Variants in FGGY observed in about 807,000 individuals in gnomAD.
FGGY encodes FGGY carbohydrate kinase domain containing.
In FGGY, 72 loss-of-function variants were observed where a neutral mutation model predicts 71.3. The observed-to-expected ratio is 1.01, with a 90% confidence interval of 0.84 to 1.23. The LOEUF (loss-of-function observed/expected upper bound fraction) is 1.23. Ranked by LOEUF, FGGY falls within the 50% of genes most tolerant of loss-of-function variation. The probability of loss-of-function intolerance (pLI) is 0.00; values close to 1 mark genes in which losing one functional copy is unlikely to be tolerated. For missense variants in FGGY, 668 were observed against 682.3 expected (o/e 0.98, Z 0.23); for synonymous variants, 251 against 250.3 (o/e 1.00, Z -0.02).
chr1:59,551,492 G>A (rs1239624056), intron 7 of FGGY, among the ~76,000 whole-genome samples: 1 of 152,136 alleles, frequency 6.6e-6, no homozygotes, highest in Non-Finnish European at 1.5e-5. Flanking sequence ...ATGATACTGT[G>A]GAGCAGCGTG....
At chr1:59,414,374 C>G (rs545771940) in intron 5 of FGGY, among the ~76,000 whole-genome samples, 3 of 152,236 alleles carry the variant, frequency 2.0e-5, no homozygotes, top group African/African-American at 4.8e-5. Flanking sequence ...CTAGATGAGG[C>G]AGGACTTCAA....
At chr1:59,365,720 T>C (rs1372806727) in intron 4 of FGGY, among the ~76,000 whole-genome samples, 2 of 152,180 alleles carry the variant, frequency 1.3e-5, no homozygotes, top group African/African-American at 4.8e-5. Context: ...TCTGACTCCT[T>C]GCCTTGCCTG....
intron 7 of FGGY, among the ~76,000 whole-genome samples, chr1:59,521,207 G>A (rs1374984719): frequency 1.3e-5 from 2 of 152,194 alleles, no homozygotes; most frequent in Non-Finnish European, 2.9e-5. Flanking sequence ...GTTTTAAGTT[G>A]AGGTTCGGTT....
intron 9 of FGGY, among the ~76,000 whole-genome samples, chr1:59,616,013 T>C (rs1012018064): frequency 1.3e-5 from 2 of 150,994 alleles, no homozygotes; most frequent in South Asian, 2.1e-4. Context: ...GCTGGAGAAA[T>C]AGGAACACTT....
At chr1:59,534,738 A>G (rs12097371) in intron 7 of FGGY, among the ~76,000 whole-genome samples, 30,005 of 150,508 alleles carry the variant, frequency 0.2, 4,013 homozygotes, top group African/African-American at 0.38. Flanking sequence ...ACTAAGCTTC[A>G]TAAGTGAAGG....
At chr1:59,311,437 C>T (rs1327837893) in intron 1 of FGGY, among the ~76,000 whole-genome samples, 1 of 151,920 alleles carries the variant, frequency 6.6e-6, no homozygotes, top group Non-Finnish European at 1.5e-5. Flanking sequence ...GTTCCCTTCC[C>T]TGTGTCCATG....
At chr1:59,350,241 T>C (rs1425258241) in intron 4 of FGGY, among the ~76,000 whole-genome samples, 1 of 152,104 alleles carries the variant, frequency 6.6e-6, no homozygotes, top group Admixed American at 6.6e-5. Flanking sequence ...ACTGGGGAAC[T>C]GGGGACAATA....
chr1:59,360,064 C>G (rs2055142177), intron 4 of FGGY, among the ~76,000 whole-genome samples: 1 of 151,968 alleles, frequency 6.6e-6, no homozygotes, highest in East Asian at 1.9e-4. Context: ...CAGTCTCTCT[C>G]TCATTTTACC....
chr1:59,403,086 A>C (rs890945485), intron 5 of FGGY, among the ~76,000 whole-genome samples: 6 of 152,180 alleles, frequency 3.9e-5, no homozygotes, highest in Non-Finnish European at 7.3e-5. Context: ...AAGGTTATAG[A>C]GTTGTGGAAG....
intron 8 of FGGY, among the ~76,000 whole-genome samples, chr1:59,589,215 G>A (rs2096376737): frequency 6.7e-6 from 1 of 149,476 alleles, no homozygotes; most frequent in Non-Finnish European, 1.5e-5. Flanking sequence ...AATGGTAAAG[G>A]GATCAATTCA....
intron 1 of FGGY, among the ~76,000 whole-genome samples, chr1:59,309,223 C>T (rs2043888006): frequency 6.6e-6 from 1 of 152,112 alleles, no homozygotes; most frequent in Non-Finnish European, 1.5e-5. Flanking sequence ...CAAAATTTTC[C>T]AGTTCCTGTT....
chr1:59,762,175 C>T (rs1420579335), intron 15 of FGGY, among the ~76,000 whole-genome samples: 8 of 146,122 alleles, frequency 5.5e-5, no homozygotes, highest in South Asian at 2.2e-4. Flanking sequence ...CTGCAACCTC[C>T]GCCCCCCGGG....
chr1:59,320,038 C>A (rs1030461783), intron 1 of FGGY, among the ~76,000 whole-genome samples: 14 of 152,080 alleles, frequency 9.2e-5, no homozygotes, highest in African/African-American at 3.4e-4. Flanking sequence ...ATATGGAGGT[C>A]CCCAAGGGGA....
At chr1:59,508,492 GC>G (rs2094446417) in intron 6 of FGGY, among the ~76,000 whole-genome samples, 1 of 152,186 alleles carries the variant, frequency 6.6e-6, no homozygotes. Flanking sequence ...TGAAAGAAAA[GC>G]CAAACAAGGA....
intron 6 of FGGY, among the ~76,000 whole-genome samples, chr1:59,486,119 T>C (rs1235564339): frequency 6.6e-6 from 1 of 152,188 alleles, no homozygotes; most frequent in Non-Finnish European, 1.5e-5. Context: ...CACCATTGTT[T>C]AGTATCCATT....
chr1:59,651,573 A>G (rs1558679512), intron 11 of FGGY, among the ~76,000 whole-genome samples: 1 of 147,184 alleles, frequency 6.8e-6, no homozygotes. Context: ...TAGGATTGCA[A>G]CCCCTGCCTT....
chr1:59,635,172 A>T (rs770113324), intron 10 of FGGY, among the ~76,000 whole-genome samples: 22 of 152,232 alleles, frequency 1.4e-4, no homozygotes, highest in Non-Finnish European at 3.1e-4. Context: ...AATGATGTGT[A>T]TTAGTTAGTT....
intron 4 of FGGY, among the ~76,000 whole-genome samples, chr1:59,367,413 T>A (rs2056772292): frequency 1.3e-5 from 2 of 152,234 alleles, no homozygotes; most frequent in Non-Finnish European, 2.9e-5. Context: ...AGAGTGAGGA[T>A]AAGGTCTAGC....
At chr1:59,567,715 T>C (rs1453875290) in intron 8 of FGGY, among the ~76,000 whole-genome samples, 1 of 151,868 alleles carries the variant, frequency 6.6e-6, no homozygotes, top group East Asian at 1.9e-4. Flanking sequence ...TTTTTATATA[T>C]GTGTGCATTC....
Sources: gnomAD v4.1 joint callset for allele counts (sites outside exome capture counted in the v4.1 genomes callset) on GRCh38, gnomAD v4.1.1 for gene constraint, MANE v1.5 for transcripts, NCBI Gene and HGNC (gene_info 2026-07-23, HGNC 2026-07-21) for gene names.